AGBL4: variants seen among roughly 807,000 people sequenced by gnomAD.
AGBL4 encodes the protein cytosolic carboxypeptidase 6.
A neutral mutation model predicts 66.4 loss-of-function variants in AGBL4; 58 were observed. The observed-to-expected ratio is 0.87, with a 90% confidence interval of 0.71 to 1.09. The LOEUF is 1.09. Ranked by LOEUF, AGBL4 falls within the 50% of genes least tolerant of loss-of-function variation. AGBL4 has a pLI of 0.00. For synonymous variants in AGBL4, 234 were observed against 222.9 expected, an observed-to-expected ratio of 1.05 and a Z score of -0.44; for missense variants, 579 against 631.0, an observed-to-expected ratio of 0.92 and a Z score of 0.88.
chr1:49,757,291 C>T (rs1651960977), intron 2 of AGBL4, among the ~76,000 whole-genome samples: 1 of 152,206 alleles, frequency 6.6e-6, no homozygotes, highest in Non-Finnish European at 1.5e-5. Context: ...TTATAAATTA[C>T]CCAGCCTCAT....
intron 6 of AGBL4, among the ~76,000 whole-genome samples, chr1:48,689,903 T>G (rs1220328872): frequency 1.3e-5 from 2 of 152,182 alleles, no homozygotes; most frequent in East Asian, 3.9e-4. Flanking sequence ...AGAGACCCTG[T>G]CTGAAAAGAA....
intron 3 of AGBL4, among the ~76,000 whole-genome samples, chr1:49,333,144 T>C (rs1052677392): frequency 6.6e-6 from 1 of 152,148 alleles, no homozygotes; most frequent in Non-Finnish European, 1.5e-5. Context: ...TTAACCTGCA[T>C]GTTCTGCACA....
intron 9 of AGBL4, among the ~76,000 whole-genome samples, chr1:48,633,798 C>G (rs1391053069): frequency 6.6e-6 from 1 of 152,210 alleles, no homozygotes; most frequent in Non-Finnish European, 1.5e-5. Context: ...CCCCAGGGAG[C>G]AAACTTGGTG....
Position 48,575,248 on chromosome 1 carries a change from G to C in AGBL4, c.1267+11756C>G, listed in dbSNP as rs565463093. 2.0e-5 allele frequency among the ~76,000 whole-genome samples: 3 copies of C among 152,222 alleles called. No homozygotes were observed. In the South Asian group the frequency reaches 6.2e-4, roughly 32 times the overall value. On this transcript the variant is annotated intron_variant, in intron 11 of 13. Transcript: ENST00000371839. ...AGGAGATATCCCAAACTTCTGGCCAGACAGTATGATCTGACAAACTGGATC... is the reference window on the plus strand; with the variant it reads ...AGGAGATATCCCAAACTTCTGGCCACACAGTATGATCTGACAAACTGGATC...
chr1:49,525,624 A>T (rs1052459901), intron 3 of AGBL4, among the ~76,000 whole-genome samples: 3 of 152,034 alleles, frequency 2.0e-5, no homozygotes, highest in Non-Finnish European at 4.4e-5. Context: ...GCATTCCTTT[A>T]CTTTACCTAG....
chr1:48,572,591 A>C (rs907732820), intron 11 of AGBL4, among the ~76,000 whole-genome samples: 1 of 151,924 alleles, frequency 6.6e-6, no homozygotes. Flanking sequence ...AAAGACAAAA[A>C]GACAAAAATG....
intron 3 of AGBL4, among the ~76,000 whole-genome samples, chr1:49,412,477 A>G (rs887174598): frequency 6.6e-6 from 1 of 152,134 alleles, no homozygotes; most frequent in Non-Finnish European, 1.5e-5. Flanking sequence ...TAATATATGA[A>G]TTCGGGGAGG....
intron 3 of AGBL4, among the ~76,000 whole-genome samples, chr1:49,378,144 G>A (rs1473732739): frequency 6.6e-6 from 1 of 152,026 alleles, no homozygotes; most frequent in African/African-American, 2.4e-5. Flanking sequence ...ACAAATGTAA[G>A]GCCCTTCTGA....
At chr1:48,547,200 A>G (rs1043042340) in intron 11 of AGBL4, among the ~76,000 whole-genome samples, 3 of 152,124 alleles carry the variant, frequency 2.0e-5, no homozygotes, top group African/African-American at 7.2e-5. Context: ...GAAGCAGGAA[A>G]ATGACACGGT....
At chr1:49,637,841 G>C (rs918297064) in intron 3 of AGBL4, among the ~76,000 whole-genome samples, 5 of 151,942 alleles carry the variant, frequency 3.3e-5, no homozygotes. Flanking sequence ...GTTTGCCATA[G>C]AATGCAAAGA....
At chr1:48,854,260 G>C (rs1647096102) in intron 6 of AGBL4, among the ~76,000 whole-genome samples, 1 of 152,094 alleles carries the variant, frequency 6.6e-6, no homozygotes, top group South Asian at 2.1e-4. Flanking sequence ...CATAAATAAG[G>C]CTGGCATCCT....
chr1:49,515,242 C>G (rs1395362650), intron 3 of AGBL4, among the ~76,000 whole-genome samples: 1 of 152,122 alleles, frequency 6.6e-6, no homozygotes, highest in Non-Finnish European at 1.5e-5. Context: ...TGAACAGACA[C>G]TTCTCAAAAG....
chr1:49,512,163 A>G (rs1649328670), intron 3 of AGBL4, among the ~76,000 whole-genome samples: 1 of 151,992 alleles, frequency 6.6e-6, no homozygotes, highest in Non-Finnish European at 1.5e-5. Context: ...TCAGCCTTGG[A>G]GAAGATAAAA....
At position 48,881,029 on chromosome 1, in the gene AGBL4, T is replaced by A. The variant is rs190596592; in HGVS notation, c.595-13799A>T. Among the ~76,000 whole-genome samples the A allele has an allele frequency of 1.7e-3, 265 of 152,316 alleles. 1 individual carries two copies. Among genetic ancestry groups the A allele is most frequent in the African/African-American group, 6.0e-3 (249 of 41,570 alleles). ...TATTATTTTGTTATTATAAATGACA[T>A]CACATAAAACATCTTCCTGAATATA... On this transcript the variant is annotated intron_variant, in intron 5 of 13. Coordinates refer to ENST00000371839, the MANE Select transcript of AGBL4 (RefSeq NM_032785.4).
At chr1:49,385,768 A>T (rs1430215486) in intron 3 of AGBL4, among the ~76,000 whole-genome samples, 1 of 152,068 alleles carries the variant, frequency 6.6e-6, no homozygotes, top group Non-Finnish European at 1.5e-5. Flanking sequence ...TCTTTTTGTC[A>T]TCATCACTCA....
At chr1:48,598,917 T>C (rs1261319735) in intron 9 of AGBL4, among the ~76,000 whole-genome samples, 2 of 152,214 alleles carry the variant, frequency 1.3e-5, no homozygotes, top group Non-Finnish European at 2.9e-5. Context: ...ACAAACACAT[T>C]ATACAGCTGC....
At chr1:49,868,245 T>A (rs1371387107) in intron 1 of AGBL4, among the ~76,000 whole-genome samples, 1 of 152,090 alleles carries the variant, frequency 6.6e-6, no homozygotes, top group Non-Finnish European at 1.5e-5. Flanking sequence ...AAACTACCAT[T>A]AACATTCTTC....
At chr1:49,014,256 C>G (rs747549974) in intron 5 of AGBL4, among the ~76,000 whole-genome samples, 5 of 152,300 alleles carry the variant, frequency 3.3e-5, no homozygotes, top group Middle Eastern at 3.4e-3. Context: ...CCTATATTAT[C>G]AGTTTTCTGA....
intron 3 of AGBL4, among the ~76,000 whole-genome samples, chr1:49,603,531 T>A (rs1430497567): frequency 1.4e-4 from 4 of 27,794 alleles, no homozygotes; most frequent in South Asian, 9.8e-4. Flanking sequence ...TCTCAAAAAA[T>A]AAATAAATAA....
Sources: gnomAD v4.1 joint callset for allele counts (sites outside exome capture counted in the v4.1 genomes callset) on GRCh38, gnomAD v4.1.1 for gene constraint, MANE v1.5 for transcripts, NCBI Gene and HGNC (gene_info 2026-07-23, HGNC 2026-07-21) for gene names.